Variants in EYA1 observed in about 807,000 individuals in gnomAD.
EYA1 encodes the protein EYA transcriptional coactivator and phosphatase 1.
Under a neutral mutation model 82.0 loss-of-function variants are expected in EYA1, and 16 were observed. That is an observed-to-expected ratio of 0.20 (90% CI 0.13 to 0.30). The LOEUF (loss-of-function observed/expected upper bound fraction) is 0.30, where lower values mean the gene tolerates loss of function less well. EYA1 is among the 10% of genes least tolerant of loss of function. The probability of loss-of-function intolerance (pLI) is 1.00; values close to 1 mark genes in which losing one functional copy is unlikely to be tolerated. For missense variants in EYA1, 633 were observed against 730.7 expected, an observed-to-expected ratio of 0.87 and a Z score of 1.54; for synonymous variants, 261 against 264.4, an observed-to-expected ratio of 0.99 and a Z score of 0.12.
rs112593082 is a variant in EYA1, at chr8:71,215,712, A to T, written c.1377T>A (p.Ala459=). The change falls in exon 15 of 18, where the codon GCT becomes GCA. Residue 459 remains alanine (A), a synonymous_variant. Coordinates refer to ENST00000340726, the MANE Select transcript of EYA1 (RefSeq NM_000503.6). ...TCAACTGCAGCCAGGCTTCCCTCTT[A>T]GCTGGACCAAGCAGACCTGAGGATT... ...KNNVGGLLGP[A]KREAWLQLRA... is the part of the protein sequence containing the mutation. 4.9e-5 allele frequency: 79 copies of T among 1,613,510 alleles called. 2 individuals carry two copies. The African/African-American group carries it at 5.9e-4, about 12-fold the overall frequency.
At chr8:71,512,725 AAATGT>A (rs1166095671) in intron 2 of EYA1, among the ~76,000 whole-genome samples, 1 of 152,166 alleles carries the variant, frequency 6.6e-6, no homozygotes, top group African/African-American at 2.4e-5. Flanking sequence ...CAAAATTTTA[AAATGT>A]AATGAAACAA....
chr8:71,221,729 G>T (rs894851174), intron 12 of EYA1, among the ~76,000 whole-genome samples: 1 of 152,158 alleles, frequency 6.6e-6, no homozygotes, highest in Admixed American at 6.5e-5. Flanking sequence ...CCAGGGAGAG[G>T]CCATTTCCTG....
chr8:71,288,894 T>A (rs1414926904), intron 9 of EYA1, among the ~76,000 whole-genome samples: 1 of 152,162 alleles, frequency 6.6e-6, no homozygotes, highest in African/African-American at 2.4e-5. Context: ...TTTAAATTAA[T>A]CAAGAGGTCC....
chr8:71,274,554 T>C (rs1465915133), intron 9 of EYA1, among the ~76,000 whole-genome samples: 1 of 152,176 alleles, frequency 6.6e-6, no homozygotes, highest in Non-Finnish European at 1.5e-5. Flanking sequence ...GATGTCACGT[T>C]CACACCATGC....
intron 2 of EYA1, among the ~76,000 whole-genome samples, chr8:71,388,249 A>T (rs1199642259): frequency 6.6e-6 from 1 of 152,202 alleles, no homozygotes; most frequent in African/African-American, 2.4e-5. Flanking sequence ...AAGTGGTCAA[A>T]TAAGTTAAGG....
At chr8:71,332,721 A>T (rs1381632955) in intron 4 of EYA1, among the ~76,000 whole-genome samples, 3 of 152,074 alleles carry the variant, frequency 2.0e-5, no homozygotes, top group Non-Finnish European at 4.4e-5. Context: ...AGGAGAAAAC[A>T]CAAATTCCAT....
chr8:71,258,409 T>C (rs1405425363), intron 11 of EYA1, among the ~76,000 whole-genome samples: 1 of 152,172 alleles, frequency 6.6e-6, no homozygotes, highest in African/African-American at 2.4e-5. Flanking sequence ...TGGTACAATT[T>C]TCTGAATTAC....
At position 71,383,745 on chromosome 8, in the gene EYA1, AAGTAAGGAG is replaced by A. The variant is rs575837187; in HGVS notation, c.34-27243_34-27235del. ...TCTAGAACAGTAATCCTGTCTGGAG[AAGTAAGGAG>A]AGTAAGGAGAGTGAAAATGAAGAAG... On this transcript the variant is annotated intron_variant, in intron 2 of 18. Transcript: ENST00000643681. Among the ~76,000 whole-genome samples, 39 of 152,234 alleles carry A rather than the reference AAGTAAGGAG, an allele frequency of 2.6e-4. No homozygotes were observed. The East Asian group carries it at 7.1e-3, about 28-fold the overall frequency.
rs540517759 is a variant in EYA1, at chr8:71,495,507, G to A, written c.33+40237C>T. On this transcript the variant is annotated intron_variant, in intron 2 of 18. Transcript: ENST00000643681. ...CGTGCCTGTAATCCCAGCTACTCGG[G>A]AGGCTGAGGCAGAAGAATCGCTTGA... Among the ~76,000 whole-genome samples the A allele has an allele frequency of 4.1e-3, 621 of 152,240 alleles. 6 individuals carry two copies. Among genetic ancestry groups the A allele is most frequent in the African/African-American group, 0.014 (600 of 41,532 alleles).
intron 2 of EYA1, among the ~76,000 whole-genome samples, chr8:71,437,138 A>G (rs1166508171): frequency 6.7e-6 from 1 of 149,552 alleles, no homozygotes; most frequent in East Asian, 2.0e-4. Context: ...CCTACATATA[A>G]TTATCTGTAT....
chr8:71,474,983 T>C (rs1003750995), intron 2 of EYA1, among the ~76,000 whole-genome samples: 6 of 152,016 alleles, frequency 3.9e-5, no homozygotes, highest in African/African-American at 1.4e-4. Flanking sequence ...AATACAAAAA[T>C]TAGCTGGACA....
chr8:71,247,469 T>A (rs556399212), intron 11 of EYA1, among the ~76,000 whole-genome samples: 1 of 152,256 alleles, frequency 6.6e-6, no homozygotes, highest in Non-Finnish European at 1.5e-5. Context: ...AGGCTGAGTG[T>A]CTAAGAGTTC....
chr8:71,425,133 A>AAAAAAAAAAAGC (rs1831357176), intron 2 of EYA1, among the ~76,000 whole-genome samples: 1 of 142,068 alleles, frequency 7.0e-6, no homozygotes, highest in Non-Finnish European at 1.5e-5. Context: ...AAAAAAATCA[A>AAAAAAAAAAAGC]TGAGCCGGGC....
chr8:71,392,070 A>G (rs1346213800), intron 2 of EYA1, among the ~76,000 whole-genome samples: 1 of 152,202 alleles, frequency 6.6e-6, no homozygotes, highest in Non-Finnish European at 1.5e-5. Flanking sequence ...AGATGAAAAA[A>G]TAATAGAGAT....
intron 2 of EYA1, among the ~76,000 whole-genome samples, chr8:71,389,214 T>C (rs946262368): frequency 1.3e-5 from 2 of 152,176 alleles, no homozygotes; most frequent in Non-Finnish European, 2.9e-5. Context: ...TTTCATTGTT[T>C]TTTTATTCCA....
At chr8:71,356,599 AC>A in intron 1 of EYA1, 88 bp from the exon 2 acceptor site, 1 of 1,461,940 alleles carries the variant, frequency 6.8e-7, no homozygotes, top group Admixed American at 2.5e-5. Flanking sequence ...GCTGAGAACG[AC>A]AATGCTCTCT....
At chr8:71,325,778 A>G (rs921789824) in intron 4 of EYA1, among the ~76,000 whole-genome samples, 2 of 152,200 alleles carry the variant, frequency 1.3e-5, no homozygotes, top group Admixed American at 6.5e-5. Context: ...ATAAGAAGTC[A>G]TATCTTTTGG....
rs1826720755 is a variant in EYA1 at position 71,355,032 on chromosome 8, A to G, written c.-4-123T>C. 45 of 974,900 alleles carry G rather than the reference A, an allele frequency of 4.6e-5. No individual in the cohort carries two copies. In the South Asian group the frequency reaches 5.2e-4, roughly 11 times the overall value. The allele number at this position is 974,900 out of a possible 1,614,324, so 60.4% of individuals were successfully genotyped here. A position where few individuals can be genotyped will look rare whatever the true frequency, so the allele number is the denominator to read the frequency against. On this transcript the variant is annotated intron_variant, in intron 2 of 17. Coordinates refer to ENST00000340726, the MANE Select transcript of EYA1 (RefSeq NM_000503.6). ...AAAAGTCCCATTGTATCTATTTCTTAGACTCAAAATAATTCATCTCACATT... is the reference window on the plus strand; with the variant it reads ...AAAAGTCCCATTGTATCTATTTCTTGGACTCAAAATAATTCATCTCACATT...
intron 2 of EYA1, chr8:71,404,300 T>G (rs1179596071): frequency 6.6e-6 from 1 of 152,182 alleles, no homozygotes; most frequent in Admixed American, 6.5e-5. Flanking sequence ...ACAAAAATAA[T>G]GTTTTTCAAA....
Sources: gnomAD v4.1 joint callset for allele counts (sites outside exome capture counted in the v4.1 genomes callset) on GRCh38, gnomAD v4.1.1 for gene constraint, MANE v1.5 for transcripts, NCBI Gene and HGNC (gene_info 2026-07-23, HGNC 2026-07-21) for gene names.